The following TNFRSF9 variants were observed in gnomAD, a reference collection of about 807,000 sequenced individuals.
The protein encoded by TNFRSF9 is TNF receptor superfamily member 9.
A neutral mutation model predicts 28.8 loss-of-function variants in TNFRSF9; 16 were observed. That is an observed-to-expected ratio of 0.55 (90% confidence interval 0.38 to 0.84). The LOEUF (loss-of-function observed/expected upper bound fraction) is 0.84, where lower values mean the gene tolerates loss of function less well. Ranked by LOEUF, TNFRSF9 falls within the 40% of genes least tolerant of loss-of-function variation. The pLI is 0.00. For synonymous variants in TNFRSF9, 131 were observed against 117.0 expected, an observed-to-expected ratio of 1.12 and a Z score of -0.77; for missense variants, 303 against 315.0, an observed-to-expected ratio of 0.96 and a Z score of 0.29.
chr1:7,932,386 C>G (rs1246358746), intron 7 of TNFRSF9, among the ~76,000 whole-genome samples: 1 of 152,152 alleles, frequency 6.6e-6, no homozygotes, highest in Non-Finnish European at 1.5e-5. Context: ...TGGCTTTTGT[C>G]TAGTGGATGC....
intron 7 of TNFRSF9, among the ~76,000 whole-genome samples, chr1:7,926,273 A>C (rs1259166017): frequency 6.6e-6 from 1 of 152,172 alleles, no homozygotes; most frequent in Non-Finnish European, 1.5e-5. Flanking sequence ...ATTATGTTAC[A>C]GTTGCCTATG....
intron 7 of TNFRSF9, among the ~76,000 whole-genome samples, chr1:7,924,452 C>A (rs1244485873): frequency 6.6e-6 from 1 of 151,560 alleles, no homozygotes; most frequent in Non-Finnish European, 1.5e-5. Context: ...TTTGGTGAAA[C>A]CCTGTCTCTA....
At position 7,921,338 on chromosome 1, in the gene TNFRSF9, AAAAACAAAACAAAAC is replaced by A. The variant is rs143263936; in HGVS notation, c.680-430_680-416del. On this transcript the variant is annotated intron_variant, in intron 7 of 7. Transcript: ENST00000377507. ...GTGACAACAGCGAAACTCTGTCTCA[AAAAACAAAACAAAAC>A]AAAACAAAACAAAACAAAACAAAAC... Among the ~76,000 whole-genome samples, 104 of 140,128 alleles carry A rather than the reference AAAAACAAAACAAAAC, an allele frequency of 7.4e-4. No homozygotes were observed. The Middle Eastern group carries it at 0.014, about 19-fold the overall frequency. 91.9% of individuals were successfully genotyped at this position (140,128 alleles called of 152,430 possible).
chr1:7,916,902 A>C lies in TNFRSF9; in HGVS notation c.*3933T>G, dbSNP rs1472626981. 6.6e-6 allele frequency: 1 copy of C among 152,186 alleles called. No homozygotes were observed. Among genetic ancestry groups the C allele is most frequent in the Admixed American group, 6.5e-5 (1 of 15,276 alleles). The allele number at this position is 152,186 out of a possible 1,614,324, so 9.4% of individuals were successfully genotyped here. Reference sequence around the variant, plus strand: ...CAGCTTCTAAAATTTATATTGAATAATAAAGAACCAAGAATAACCAAGACA... The same window carrying C: ...CAGCTTCTAAAATTTATATTGAATACTAAAGAACCAAGAATAACCAAGACA... On this transcript the variant is annotated 3_prime_UTR_variant, in exon 8 of 8. Transcript: ENST00000377507.
In TNFRSF9 at chr1:7,918,762, T is replaced by A. The variant is rs553171465; in HGVS notation, c.*2073A>T. 1.4e-4 allele frequency: 22 copies of A among 152,190 alleles called. No homozygotes were observed. Among genetic ancestry groups the A allele is most frequent in the African/African-American group, 5.1e-4 (21 of 41,516 alleles). 9.4% of individuals were successfully genotyped at this position (152,190 alleles called of 1,614,324 possible). ...ATATAAATATTTGACAAGGTGCTCATCAGTAACCAAGCAAATGCAAACTAA... is the reference window on the plus strand; with the variant it reads ...ATATAAATATTTGACAAGGTGCTCAACAGTAACCAAGCAAATGCAAACTAA... On this transcript the variant is annotated 3_prime_UTR_variant, in exon 8 of 8. Coordinates refer to ENST00000377507, the MANE Select transcript of TNFRSF9 (RefSeq NM_001561.6).
chr1:7,927,064 A>AT (rs1460885943), intron 7 of TNFRSF9, among the ~76,000 whole-genome samples: 2 of 150,762 alleles, frequency 1.3e-5, no homozygotes, highest in East Asian at 1.9e-4. Flanking sequence ...TCTCAAAATA[A>AT]AAAAAAAAAT....
intron 7 of TNFRSF9, among the ~76,000 whole-genome samples, chr1:7,924,664 A>G (rs1051582924): frequency 6.6e-6 from 1 of 152,060 alleles, no homozygotes; most frequent in African/African-American, 2.4e-5. Context: ...AACAAAAACC[A>G]GTTAATTGTA....
At position 7,920,772 on chromosome 1, in the gene TNFRSF9, C is replaced by T. The variant is rs1424772429; in HGVS notation, c.*63G>A. On this transcript the variant is annotated 3_prime_UTR_variant, in exon 8 of 8. Transcript: ENST00000377507. ...TTCTTGCTTTTGAAAGCTGTGATAGCGGATGACTCATATTTCCTTGCTTCT... is the reference window on the plus strand; with the variant it reads ...TTCTTGCTTTTGAAAGCTGTGATAGTGGATGACTCATATTTCCTTGCTTCT... 5.5e-6 allele frequency: 7 copies of T among 1,279,446 alleles called. No homozygotes were observed. Among genetic ancestry groups the T allele is most frequent in the Non-Finnish European group, 5.7e-6 (5 of 876,522 alleles). The allele number at this position is 1,279,446 out of a possible 1,614,324, so 79.3% of individuals were successfully genotyped here.
At chr1:7,922,095 TA>T (rs1220166828) in intron 7 of TNFRSF9, 2 of 152,218 alleles carry the variant, frequency 1.3e-5, no homozygotes, top group Admixed American at 6.5e-5. Context: ...GTATTTGTGT[TA>T]CTGCTCCGCA....
At chr1:7,926,445 C>T (rs1578071658) in intron 7 of TNFRSF9, among the ~76,000 whole-genome samples, 1 of 152,164 alleles carries the variant, frequency 6.6e-6, no homozygotes, top group Non-Finnish European at 1.5e-5. Context: ...TTTCTCAGAA[C>T]TACCCCTGTC....
intron 7 of TNFRSF9, among the ~76,000 whole-genome samples, chr1:7,930,433 A>G (rs986630669): frequency 6.6e-6 from 1 of 152,222 alleles, no homozygotes; most frequent in African/African-American, 2.4e-5. Context: ...AGCATTTTAT[A>G]ACGAACTTTG....
chr1:7,938,147 T>C, intron 4 of TNFRSF9, 46 bp downstream of exon 4: 1 of 1,483,712 alleles, frequency 6.7e-7, no homozygotes, highest in Non-Finnish European at 9.0e-7. Flanking sequence ...AAGCTAAGTT[T>C]GTCTATGTCA....
rs968755180 is a variant in TNFRSF9 at position 7,917,688 on chromosome 1, T to G, written c.*3147A>C. The G allele has an allele frequency of 6.6e-6, 1 of 152,014 alleles. No individual in the cohort carries two copies. The highest frequency in any genetic ancestry group is 1.5e-5 in the Non-Finnish European group (1 of 68,008). The allele number at this position is 152,014 out of a possible 1,614,324, so 9.4% of individuals were successfully genotyped here. A position where few individuals can be genotyped will look rare whatever the true frequency, so the allele number is the denominator to read the frequency against. ...ACCATATGAGAAAACAGTTATAAAT[T>G]TAACCAAATCAAATGAAGAACTTTT... On this transcript the variant is annotated 3_prime_UTR_variant, in exon 8 of 8. Coordinates refer to ENST00000377507, the MANE Select transcript of TNFRSF9 (RefSeq NM_001561.6).
intron 7 of TNFRSF9, among the ~76,000 whole-genome samples, chr1:7,932,548 T>G (rs1167981246): frequency 6.6e-6 from 1 of 152,194 alleles, no homozygotes; most frequent in Non-Finnish European, 1.5e-5. Flanking sequence ...CTCTTTGTTC[T>G]CCTTGCCTTC....
At chr1:7,933,074 T>G (rs1370769878) in intron 7 of TNFRSF9, 88 bp downstream of exon 7, 1 of 1,485,898 alleles carries the variant, frequency 6.7e-7, no homozygotes, top group Non-Finnish European at 9.0e-7. Context: ...GAACCTCATT[T>G]CTAGAATTTT....
chr1:7,927,908 A>T (rs888134291), intron 7 of TNFRSF9, among the ~76,000 whole-genome samples: 4 of 152,178 alleles, frequency 2.6e-5, no homozygotes, highest in Admixed American at 1.3e-4. Context: ...AATATTTATA[A>T]ACCATATATA....
chr1:7,918,723 T>A lies in TNFRSF9; in HGVS notation c.*2112A>T, dbSNP rs1016629743. 1 of 152,076 alleles carries A rather than the reference T, an allele frequency of 6.6e-6. No homozygotes were observed. The highest frequency in any genetic ancestry group is 2.4e-5 in the African/African-American group (1 of 41,402). The allele number at this position is 152,076 out of a possible 1,614,324, so 9.4% of individuals were successfully genotyped here. On this transcript the variant is annotated 3_prime_UTR_variant, in exon 8 of 8. Transcript: ENST00000377507. ...TGAGCAAGCATTTTATTTAAAAAAA[T>A]AAACACAAATGGTATATAAATATTT...
At chr1:7,935,740 G>A (rs1001091651) in intron 5 of TNFRSF9, among the ~76,000 whole-genome samples, 1 of 152,066 alleles carries the variant, frequency 6.6e-6, no homozygotes, top group African/African-American at 2.4e-5. Context: ...GAGGTGGGAG[G>A]ATCACTTGAA....
intron 7 of TNFRSF9, among the ~76,000 whole-genome samples, chr1:7,922,401 A>C (rs939869770): frequency 6.6e-6 from 1 of 152,166 alleles, no homozygotes; most frequent in Non-Finnish European, 1.5e-5. Flanking sequence ...TTGGGTCAGG[A>C]TCTCCAGACC....
Sources: allele counts gnomAD v4.1 joint callset (sites outside exome capture counted in the v4.1 genomes callset), GRCh38; gene constraint gnomAD v4.1.1; transcripts MANE v1.5; gene names NCBI Gene and HGNC (gene_info 2026-07-23, HGNC 2026-07-21).